Variants in LDB2 observed in about 807,000 individuals in gnomAD.
LDB2 encodes the protein LIM domain-binding protein 2.
A neutral mutation model predicts 44.3 loss-of-function variants in LDB2; 12 were observed. That is an observed-to-expected ratio of 0.27 (90% CI 0.17 to 0.44). The LOEUF is 0.44. LDB2 is among the 20% of genes least tolerant of loss of function. LDB2 has a pLI of 1.00. For synonymous variants in LDB2, 164 were observed against 174.8 expected (o/e 0.94, Z 0.49); for missense variants, 344 against 473.5 (o/e 0.73, Z 2.54).
At chr4:16,799,494 A>C (rs1286080162) in intron 1 of LDB2, among the ~76,000 whole-genome samples, 1 of 152,254 alleles carries the variant, frequency 6.6e-6, no homozygotes, top group Non-Finnish European at 1.5e-5. Flanking sequence ...AGGAAGAAGG[A>C]AAGGATTCTC....
intron 1 of LDB2, among the ~76,000 whole-genome samples, chr4:16,863,357 C>T (rs1713392210): frequency 6.6e-6 from 1 of 152,138 alleles, no homozygotes; most frequent in Non-Finnish European, 1.5e-5. Flanking sequence ...GATTCCTGGG[C>T]CCCACATTCA....
intron 5 of LDB2, among the ~76,000 whole-genome samples, chr4:16,521,345 A>G (rs1034423787): frequency 2.0e-5 from 3 of 152,066 alleles, no homozygotes; most frequent in African/African-American, 7.2e-5. Context: ...TTGTAGCTGC[A>G]TCACTCCAAT....
At chr4:16,520,971 T>C (rs547546043) in intron 5 of LDB2, among the ~76,000 whole-genome samples, 129 of 152,290 alleles carry the variant, frequency 8.5e-4, no homozygotes, top group East Asian at 5.6e-3. Context: ...GCTTGGGTTA[T>C]TTGCCTCTTT....
At chr4:16,552,299 T>G (rs16893622) in intron 5 of LDB2, among the ~76,000 whole-genome samples, 21,655 of 152,176 alleles carry the variant, frequency 0.14, 1,810 homozygotes, top group East Asian at 0.32. Flanking sequence ...CATTAAAAAA[T>G]CCACTTTTTA....
At chr4:16,888,739 A>G (rs1434458128) in intron 1 of LDB2, 1 of 981,290 alleles carries the variant, frequency 1.0e-6, no homozygotes, top group African/African-American at 1.7e-5. Flanking sequence ...TCATCATCAT[A>G]GTTCCCAATG....
intron 1 of LDB2, among the ~76,000 whole-genome samples, chr4:16,788,352 T>C (rs1004923718): frequency 2.6e-5 from 4 of 152,138 alleles, no homozygotes; most frequent in African/African-American, 4.8e-5. Context: ...CCCTGTGTCA[T>C]CTGCATCAAG....
At chr4:16,518,243 C>T (rs1381599446) in intron 5 of LDB2, among the ~76,000 whole-genome samples, 2 of 152,194 alleles carry the variant, frequency 1.3e-5, no homozygotes, top group African/African-American at 4.8e-5. Context: ...ACTACACACT[C>T]ATACCCATTC....
intron 2 of LDB2, among the ~76,000 whole-genome samples, chr4:16,694,385 GA>G (rs1165460721): frequency 6.6e-6 from 1 of 152,202 alleles, no homozygotes; most frequent in African/African-American, 2.4e-5. Flanking sequence ...TCTGTTTTAA[GA>G]ACATTGACCG....
intron 5 of LDB2, among the ~76,000 whole-genome samples, chr4:16,563,179 C>T (rs559720404): frequency 6.6e-6 from 1 of 151,628 alleles, no homozygotes; most frequent in East Asian, 1.9e-4. Context: ...AACTAACCTG[C>T]ACATTGTGCA....
At chr4:16,636,167 C>G (rs542903695) in intron 2 of LDB2, among the ~76,000 whole-genome samples, 1 of 152,336 alleles carries the variant, frequency 6.6e-6, no homozygotes, top group South Asian at 2.1e-4. Flanking sequence ...GTCATGTTAT[C>G]CCAGTTTTAC....
At chr4:16,884,560 G>T (rs10013628) in intron 1 of LDB2, among the ~76,000 whole-genome samples, 106,087 of 151,766 alleles carry the variant, frequency 0.7, 38,030 homozygotes, top group African/African-American at 0.86. Context: ...TTGCGTTCTT[G>T]CTACCTTAAA....
chr4:16,628,658 G>T (rs1311053649), intron 2 of LDB2, among the ~76,000 whole-genome samples: 1 of 151,782 alleles, frequency 6.6e-6, no homozygotes, highest in African/African-American at 2.4e-5. Flanking sequence ...AATAGCAACA[G>T]CTCTGGTCTA....
At chr4:16,509,922 C>G (rs1239870576) in intron 6 of LDB2, among the ~76,000 whole-genome samples, 1 of 152,116 alleles carries the variant, frequency 6.6e-6, no homozygotes, top group African/African-American at 2.4e-5. Flanking sequence ...TCGAGACCAA[C>G]TTGGGCAACA....
intron 3 of LDB2, among the ~76,000 whole-genome samples, chr4:16,595,418 T>G (rs1382330704): frequency 3.3e-5 from 5 of 152,152 alleles, no homozygotes; most frequent in African/African-American, 1.2e-4. Flanking sequence ...ACAACAATTC[T>G]AATCTAGCAA....
chr4:16,520,831 C>T (rs1232683543), intron 5 of LDB2, among the ~76,000 whole-genome samples: 2 of 152,200 alleles, frequency 1.3e-5, no homozygotes, highest in South Asian at 2.1e-4. Flanking sequence ...GCCAAGCTCA[C>T]GATTTCTGCT....
chr4:16,650,448 T>A (rs962979781), intron 2 of LDB2, among the ~76,000 whole-genome samples: 23 of 152,208 alleles, frequency 1.5e-4, no homozygotes, highest in African/African-American at 4.3e-4. Context: ...TTCCATGTTG[T>A]GTGCTGGGGT....
chr4:16,543,381 TC>T (rs1337296986), intron 5 of LDB2, among the ~76,000 whole-genome samples: 1 of 152,212 alleles, frequency 6.6e-6, no homozygotes, highest in Non-Finnish European at 1.5e-5. Flanking sequence ...TAGTTTACAG[TC>T]CCACCAACAG....
intron 1 of LDB2, among the ~76,000 whole-genome samples, chr4:16,780,501 G>C (rs1330100325): frequency 1.3e-5 from 2 of 152,150 alleles, no homozygotes; most frequent in African/African-American, 4.8e-5. Context: ...GGGATTTCAG[G>C]TGTGATCCAC....
intron 2 of LDB2, among the ~76,000 whole-genome samples, chr4:16,666,090 T>C (rs1310529852): frequency 1.3e-5 from 2 of 152,232 alleles, no homozygotes; most frequent in Non-Finnish European, 2.9e-5. Context: ...AGTACATTTC[T>C]GCGGTTTTAA....
Sources: gnomAD v4.1 joint callset for allele counts (sites outside exome capture counted in the v4.1 genomes callset) on GRCh38, gnomAD v4.1.1 for gene constraint, MANE v1.5 for transcripts, NCBI Gene and HGNC (gene_info 2026-07-23, HGNC 2026-07-21) for gene names.